The following WDR45B variants were observed in gnomAD, a reference collection of about 807,000 sequenced individuals.
WDR45B encodes WD repeat domain phosphoinositide-interacting protein 3.
A neutral mutation model predicts 44.6 loss-of-function variants in WDR45B; 20 were observed. That is an observed-to-expected ratio of 0.45 (90% CI 0.32 to 0.65). The LOEUF (loss-of-function observed/expected upper bound fraction) is 0.65. Among genes scored for constraint, WDR45B ranks in the 30% least tolerant of loss-of-function variants. The pLI, the probability that WDR45B is intolerant of heterozygous loss-of-function variation, is 0.05. For synonymous variants in WDR45B, 169 were observed against 164.9 expected, an observed-to-expected ratio of 1.02 and a Z score of -0.19; for missense variants, 323 against 430.2, an observed-to-expected ratio of 0.75 and a Z score of 2.20.
chr17:82,640,907 G>C (rs920972028), intron 2 of WDR45B, among the ~76,000 whole-genome samples: 1 of 151,628 alleles, frequency 6.6e-6, no homozygotes, highest in Non-Finnish European at 1.5e-5. Flanking sequence ...TGTGTGATGA[G>C]CTAAACCATG....
chr17:82,623,581 C>G (rs763792092), intron 5 of WDR45B, among the ~76,000 whole-genome samples: 2 of 151,402 alleles, frequency 1.3e-5, no homozygotes, highest in Admixed American at 1.3e-4. Flanking sequence ...GCCTGTAGTC[C>G]CAGCTACTCA....
intron 5 of WDR45B, among the ~76,000 whole-genome samples, chr17:82,623,721 T>A (rs1313585817): frequency 2.8e-5 from 4 of 141,374 alleles, no homozygotes; most frequent in Non-Finnish European, 6.3e-5. Flanking sequence ...AAAAAAAAAA[T>A]TCTTACATCT....
At chr17:82,624,720 G>A (rs920494922) in intron 5 of WDR45B, among the ~76,000 whole-genome samples, 51 of 151,684 alleles carry the variant, frequency 3.4e-4, no homozygotes, top group Admixed American at 3.3e-3. Context: ...CTGGGTTCAA[G>A]TGATTCTCCT....
Position 82,621,727 on chromosome 17 carries a change from T to A in WDR45B, c.500A>T (p.Gln167Leu), listed in dbSNP as rs1192164439. The A allele has an allele frequency of 3.1e-6, 5 of 1,614,092 alleles. No homozygotes were observed. The highest frequency in any genetic ancestry group is 3.4e-6 in the Non-Finnish European group (4 of 1,180,038). The change falls in exon 6 of 10, where the codon CAG becomes CTG. Residue 167 changes from glutamine (Q) to leucine (L), a missense_variant. Gln to Leu is a moderately radical substitution (Grantham distance 113). Coordinates refer to ENST00000392325, the MANE Select transcript of WDR45B (RefSeq NM_019613.4). The stretch of plus-strand genomic sequence containing the variant: ...CTCCGTGCTGGCCAGGTCCACAAGC[T>A]GCACATGGCCCGTGTGCGTGCCCGG... ...AFPGTHTGHV[Q>L]LVDLASTEKP...
chr17:82,638,358 G>C (rs1409654695), intron 2 of WDR45B, among the ~76,000 whole-genome samples: 2 of 150,810 alleles, frequency 1.3e-5, no homozygotes, highest in African/African-American at 2.5e-5. Flanking sequence ...AGGGTGAAAG[G>C]GGGGTAGGAG....
chr17:82,646,513 C>CAAAAAAAAA (rs1491582349), intron 1 of WDR45B, among the ~76,000 whole-genome samples: 2 of 27,080 alleles, frequency 7.4e-5, no homozygotes, highest in Non-Finnish European at 1.2e-4. Flanking sequence ...AAAAAAAAAA[C>CAAAAAAAAA]CCAAAACAAA....
chr17:82,624,519 T>C (rs142500449), intron 5 of WDR45B, among the ~76,000 whole-genome samples: 209 of 147,036 alleles, frequency 1.4e-3, no homozygotes, highest in African/African-American at 4.8e-3. Context: ...CTTGGCCTCC[T>C]AAAGTGCTGG....
In WDR45B at chr17:82,617,369, T is replaced by C. The variant is rs756257531; in HGVS notation, c.733A>G (p.Ile245Val). ...GTGCCGTGGTCGCTGGATACGCAGA[T>C]GAGGGACGCATCCTGATTGAAGTTG... is the stretch of plus-strand genomic sequence containing the variant. ...CINFNQDASL[I>V]CVSSDHGTVH... The change falls in exon 8 of 10, where the codon ATC (isoleucine) becomes GTC (valine). Residue 245 changes from isoleucine to valine, a missense_variant. Ile to Val is a conservative substitution (Grantham distance 29). Transcript: ENST00000392325. 7.4e-6 allele frequency: 12 copies of C among 1,614,150 alleles called. 1 individual carries two copies. The highest frequency in any genetic ancestry group is 1.0e-5 in the Non-Finnish European group (12 of 1,180,014).
intron 6 of WDR45B, among the ~76,000 whole-genome samples, chr17:82,621,136 C>T (rs569366261): frequency 6.6e-6 from 1 of 150,756 alleles, no homozygotes; most frequent in Non-Finnish European, 1.5e-5. Context: ...TCACTGCAAT[C>T]TCCACCTCCT....
At chr17:82,636,143 C>T (rs956326974) in intron 2 of WDR45B, among the ~76,000 whole-genome samples, 5 of 151,182 alleles carry the variant, frequency 3.3e-5, no homozygotes, top group Non-Finnish European at 5.9e-5. Flanking sequence ...GCTGTGTAGT[C>T]CCAGCTACTC....
intron 3 of WDR45B, among the ~76,000 whole-genome samples, 199 bp from the exon 4 acceptor site, chr17:82,627,490 T>C (rs908307912): frequency 6.6e-6 from 1 of 152,234 alleles, no homozygotes; most frequent in African/African-American, 2.4e-5. Flanking sequence ...GGATCCGCCC[T>C]CGGGCACCTT....
intron 7 of WDR45B, among the ~76,000 whole-genome samples, chr17:82,618,212 GA>G (rs2045565596): frequency 6.6e-6 from 1 of 152,192 alleles, no homozygotes; most frequent in Admixed American, 6.5e-5. Flanking sequence ...TTACAGGCGG[GA>G]GCCACTGCGC....
Position 82,618,962 on chromosome 17 carries a change from C to A in WDR45B, c.704+81G>T. 4 of 1,356,702 alleles carry A rather than the reference C, an allele frequency of 2.9e-6. 1 individual carries two copies. Among genetic ancestry groups the A allele is most frequent in the South Asian group, 2.3e-5 (2 of 85,478 alleles). 84.0% of individuals were successfully genotyped at this position (1,356,702 alleles called of 1,614,324 possible). A position where few individuals can be genotyped will look rare whatever the true frequency, so the allele number is the denominator to read the frequency against. ...ATTCGGGGGAGGGTGGCTGCTCCTACCCCCTCTCCCAAATCCCAAAGGCCC... is the reference window on the plus strand; with the variant it reads ...ATTCGGGGGAGGGTGGCTGCTCCTAACCCCTCTCCCAAATCCCAAAGGCCC... On this transcript the variant is annotated intron_variant, in intron 7 of 9. Transcript: ENST00000392325.
At chr17:82,631,486 T>C (rs890092288) in intron 2 of WDR45B, among the ~76,000 whole-genome samples, 4 of 148,546 alleles carry the variant, frequency 2.7e-5, no homozygotes, top group Non-Finnish European at 5.9e-5. Flanking sequence ...GGTTTCACTA[T>C]GCTGGCCAGG....
At chr17:82,647,833 A>T (rs1012180067) in intron 1 of WDR45B, among the ~76,000 whole-genome samples, 1 of 151,928 alleles carries the variant, frequency 6.6e-6, no homozygotes, top group Non-Finnish European at 1.5e-5. Flanking sequence ...ACAGGGGGCA[A>T]AACGGGGTTC....
At chr17:82,619,015 T>G in intron 7 of WDR45B, 28 bp downstream of exon 7, 2 of 1,611,276 alleles carry the variant, frequency 1.2e-6, no homozygotes, top group Non-Finnish European at 1.7e-6. Context: ...CCGAAGTTCT[T>G]CTCCGGTGAA....
chr17:82,647,718 G>A (rs987504963), intron 1 of WDR45B, among the ~76,000 whole-genome samples: 1 of 151,076 alleles, frequency 6.6e-6, no homozygotes, highest in Admixed American at 6.6e-5. Flanking sequence ...CACCCCACCC[G>A]CGCCACTCGC....
chr17:82,621,680 C>T lies in WDR45B; in HGVS notation c.547G>A (p.Ala183Thr). Residue 183 changes from alanine to threonine, a missense_variant, in exon 6 of 10, where the codon GCA becomes ACA. By Grantham distance (58) the Ala-to-Thr change is moderately conservative. Transcript: ENST00000392325. The stretch of plus-strand genomic sequence containing the variant: ...ATGCAGCTCAGGACACCCTCGTGTG[C>T]AGGAATGTCCACGGGTGGCTTCTCC... ...STEKPPVDIPAHEGVLSCIAL... is the reference protein window; with the variant it reads ...STEKPPVDIPTHEGVLSCIAL... 2.5e-6 allele frequency: 4 copies of T among 1,614,174 alleles called. No individual in the cohort carries two copies. Among genetic ancestry groups the T allele is most frequent in the Non-Finnish European group, 3.4e-6 (4 of 1,180,018 alleles).
At chr17:82,616,768 A>C in intron 8 of WDR45B, 123 bp from the exon 9 acceptor site, 3 of 1,257,866 alleles carry the variant, frequency 2.4e-6, no homozygotes, top group Non-Finnish European at 3.3e-6. Flanking sequence ...GCTTTAATGA[A>C]TTTTTTTTTT....
Sources: gnomAD v4.1 joint callset for allele counts (sites outside exome capture counted in the v4.1 genomes callset) on GRCh38, gnomAD v4.1.1 for gene constraint, MANE v1.5 for transcripts, NCBI Gene and HGNC (gene_info 2026-07-23, HGNC 2026-07-21) for gene names.